The following PALM2AKAP2 variants were observed in gnomAD, a reference collection of about 807,000 sequenced individuals.
PALM2AKAP2 encodes PALM2-AKAP2 fusion protein.
A neutral mutation model predicts 71.5 loss-of-function variants in PALM2AKAP2; 37 were observed. The observed-to-expected ratio is 0.52, with a 90% CI of 0.40 to 0.68. The LOEUF is 0.68. PALM2AKAP2 is among the 30% of genes least tolerant of loss of function. PALM2AKAP2 has a pLI of 0.00. For synonymous variants in PALM2AKAP2, 468 were observed against 478.8 expected (o/e 0.98, Z 0.29); for missense variants, 1,224 against 1,191.8 (o/e 1.03, Z -0.40).
At chr9:109,764,666 C>T (rs965532510) in intron 1 of PALM2AKAP2, among the ~76,000 whole-genome samples, 2 of 152,098 alleles carry the variant, frequency 1.3e-5, no homozygotes, top group Admixed American at 6.6e-5. Flanking sequence ...TCTGCCTCAC[C>T]GATGCCAGTG....
Position 109,884,245 on chromosome 9 carries a change from C to T in PALM2AKAP2, c.257+3564C>T, listed in dbSNP as rs577387753. 3.3e-5 allele frequency among the ~76,000 whole-genome samples: 5 copies of T among 152,194 alleles called. No individual in the cohort carries two copies. In the East Asian group the frequency reaches 5.8e-4, roughly 18 times the overall value. On this transcript the variant is annotated intron_variant, in intron 3 of 9. Transcript: ENST00000302798. ...GGGAGACCGAGGCAGGTGGATCACC[C>T]GAGGTCAGGAGTTCAAGACCAGCCT...
intron 3 of PALM2AKAP2, 33 bp downstream of exon 3, chr9:109,880,714 A>C: frequency 6.2e-7 from 1 of 1,610,772 alleles, no homozygotes; most frequent in South Asian, 1.1e-5. Flanking sequence ...AACCCATGCT[A>C]CAGTTTTTCA....
intron 3 of PALM2AKAP2, among the ~76,000 whole-genome samples, chr9:109,913,923 A>C (rs1019956668): frequency 6.6e-6 from 1 of 151,822 alleles, no homozygotes; most frequent in African/African-American, 2.4e-5. Context: ...CGCCCAGCTA[A>C]TTTTTTGTAT....
chr9:110,116,383 T>C (rs905459894), intron 1 of PALM2AKAP2, among the ~76,000 whole-genome samples: 28 of 151,988 alleles, frequency 1.8e-4, no homozygotes, highest in African/African-American at 5.3e-4. Flanking sequence ...TGCGTGTGTG[T>C]GTGTGCGCAT....
At chr9:109,750,241 G>T (rs1828865207) in intron 1 of PALM2AKAP2, among the ~76,000 whole-genome samples, 2 of 152,160 alleles carry the variant, frequency 1.3e-5, no homozygotes, top group African/African-American at 4.8e-5. Context: ...TCTAGCAATA[G>T]GGACTTGCTC....
At chr9:110,154,232 A>G (rs1395882867) in intron 2 of PALM2AKAP2, among the ~76,000 whole-genome samples, 1 of 152,212 alleles carries the variant, frequency 6.6e-6, no homozygotes. Flanking sequence ...AGGTACCCTT[A>G]TCATCATACC....
chr9:109,741,626 T>A (rs1828716893), intron 1 of PALM2AKAP2, among the ~76,000 whole-genome samples: 1 of 152,240 alleles, frequency 6.6e-6, no homozygotes, highest in Non-Finnish European at 1.5e-5. Flanking sequence ...CATTTGGTTA[T>A]GTCTGGTGGG....
At chr9:110,011,014 A>AAAAAAAAAATATATATAT (rs35212981) in intron 6 of PALM2AKAP2, among the ~76,000 whole-genome samples, 2 of 69,588 alleles carry the variant, frequency 2.9e-5, no homozygotes, top group African/African-American at 1.6e-4. Context: ...AAAAAAAAAA[A>AAAAAAAAAATATATATAT]ATATATATAT....
chr9:109,958,574 G>A (rs1365602310), intron 6 of PALM2AKAP2, among the ~76,000 whole-genome samples: 2 of 151,332 alleles, frequency 1.3e-5, no homozygotes, highest in African/African-American at 4.9e-5. Context: ...AAAGAAAGGA[G>A]AGAAGAAAAA....
chr9:110,139,338 A>G (rs907346206), intron 2 of PALM2AKAP2, among the ~76,000 whole-genome samples: 1 of 152,212 alleles, frequency 6.6e-6, no homozygotes, highest in African/African-American at 2.4e-5. Context: ...TGTGATAGCA[A>G]TCAGGGATCC....
At chr9:109,955,389 A>G (rs901208514) in intron 6 of PALM2AKAP2, among the ~76,000 whole-genome samples, 3 of 152,196 alleles carry the variant, frequency 2.0e-5, no homozygotes, top group African/African-American at 7.2e-5. Context: ...GAACAGTGTA[A>G]GTTTGTAAGG....
intron 1 of PALM2AKAP2, among the ~76,000 whole-genome samples, chr9:110,073,070 C>T (rs1212034514): frequency 6.6e-6 from 1 of 152,196 alleles, no homozygotes. Context: ...AGGTTTCTAC[C>T]ATTGTGCTTG....
intron 3 of PALM2AKAP2, among the ~76,000 whole-genome samples, chr9:109,883,783 G>A (rs142849743): frequency 9.0e-4 from 137 of 152,312 alleles, no homozygotes; most frequent in African/African-American, 3.2e-3. Context: ...GGATTGGCTG[G>A]CATGGCTCTG....
At chr9:109,811,927 G>A (rs1177769526) in intron 1 of PALM2AKAP2, among the ~76,000 whole-genome samples, 1 of 152,196 alleles carries the variant, frequency 6.6e-6, no homozygotes, top group Non-Finnish European at 1.5e-5. Context: ...CCAAATATAA[G>A]GCACTGTAGA....
intron 1 of PALM2AKAP2, among the ~76,000 whole-genome samples, chr9:110,088,703 G>GTTTTGTTTTT (rs1834628901): frequency 2.5e-4 from 19 of 75,632 alleles, no homozygotes; most frequent in Non-Finnish European, 3.6e-4. Context: ...GCATTTACGT[G>GTTTTGTTTTT]TTTTTTTTTT....
At chr9:109,865,255 C>A (rs934526248) in intron 1 of PALM2AKAP2, among the ~76,000 whole-genome samples, 1 of 151,902 alleles carries the variant, frequency 6.6e-6, no homozygotes, top group African/African-American at 2.4e-5. Flanking sequence ...TGTACCACCA[C>A]ACCTGGCCAA....
At chr9:109,814,387 T>C (rs1484679501) in intron 1 of PALM2AKAP2, among the ~76,000 whole-genome samples, 1 of 152,222 alleles carries the variant, frequency 6.6e-6, no homozygotes, top group African/African-American at 2.4e-5. Context: ...CGAGACATAC[T>C]ATATGAGCCT....
At chr9:109,750,421 T>A (rs1327891727) in intron 1 of PALM2AKAP2, among the ~76,000 whole-genome samples, 1 of 152,088 alleles carries the variant, frequency 6.6e-6, no homozygotes, top group Non-Finnish European at 1.5e-5. Flanking sequence ...AGTAATATAA[T>A]GTAAAGGAAA....
At chr9:110,110,867 T>C (rs760898167) in intron 1 of PALM2AKAP2, among the ~76,000 whole-genome samples, 2 of 151,780 alleles carry the variant, frequency 1.3e-5, no homozygotes, top group Non-Finnish European at 2.9e-5. Context: ...AATTCTTAAA[T>C]ACTCCAAATG....
Sources: gnomAD v4.1 joint callset for allele counts (sites outside exome capture counted in the v4.1 genomes callset) on GRCh38, gnomAD v4.1.1 for gene constraint, MANE v1.5 for transcripts, NCBI Gene and HGNC (gene_info 2026-07-23, HGNC 2026-07-21) for gene names.